Variants in TYW1 observed in about 807,000 individuals in gnomAD.
TYW1 encodes the protein tRNA-yW synthesizing protein 1 homolog.
Under a neutral mutation model 96.2 loss-of-function variants are expected in TYW1, and 46 were observed. The observed-to-expected ratio is 0.48, with a 90% CI of 0.38 to 0.61. The LOEUF (loss-of-function observed/expected upper bound fraction) is 0.61. TYW1 is among the 20% of genes least tolerant of loss of function. The pLI is 0.00. For missense variants in TYW1, 684 were observed against 909.6 expected (o/e 0.75, Z 3.19); for synonymous variants, 274 against 323.0 (o/e 0.85, Z 1.63).
chr7:67,174,336 A>G (rs1265474946), intron 13 of TYW1, among the ~76,000 whole-genome samples: 2 of 151,266 alleles, frequency 1.3e-5, no homozygotes, highest in Non-Finnish European at 2.9e-5. Flanking sequence ...GCAGAGATAA[A>G]GAGAGATTAC....
At chr7:67,094,009 CT>C (rs1374725796) in intron 11 of TYW1, among the ~76,000 whole-genome samples, 7 of 152,200 alleles carry the variant, frequency 4.6e-5, no homozygotes, top group Non-Finnish European at 8.8e-5. Context: ...GTCCCATCCT[CT>C]TTTGGAGTCT....
chr7:67,087,089 C>G (rs1256630415), intron 11 of TYW1, among the ~76,000 whole-genome samples: 3 of 152,176 alleles, frequency 2.0e-5, no homozygotes, highest in Non-Finnish European at 4.4e-5. Context: ...GTCCTTCCTA[C>G]AGAATGACGA....
intron 8 of TYW1, among the ~76,000 whole-genome samples, chr7:67,052,976 C>T (rs1216495199): frequency 7.9e-5 from 12 of 152,022 alleles, no homozygotes; most frequent in African/African-American, 2.7e-4. Context: ...CTCCTGACCT[C>T]CTGATCTGCC....
chr7:67,170,638 C>T (rs1049583161), intron 13 of TYW1, among the ~76,000 whole-genome samples: 1 of 152,104 alleles, frequency 6.6e-6, no homozygotes, highest in African/African-American at 2.4e-5. Context: ...ACATAGAATC[C>T]TGTACCCATT....
intron 13 of TYW1, among the ~76,000 whole-genome samples, chr7:67,172,213 T>C (rs1209989059): frequency 6.6e-6 from 1 of 151,800 alleles, no homozygotes; most frequent in Non-Finnish European, 1.5e-5. Flanking sequence ...GGTTTTTTAG[T>C]ATTTATTTTT....
intron 13 of TYW1, among the ~76,000 whole-genome samples, chr7:67,127,433 T>TA (rs1797942916): frequency 1.3e-5 from 2 of 152,158 alleles, no homozygotes; most frequent in Non-Finnish European, 1.5e-5. Flanking sequence ...GTGCTGGGAT[T>TA]ATAGGCTTGA....
rs1004637970 is a variant in TYW1, at chr7:67,095,041, T to C, written c.1385-3500T>C. Among the ~76,000 whole-genome samples, 35 of 151,818 alleles carry C rather than the reference T, an allele frequency of 2.3e-4. 1 individual carries two copies. The highest frequency in any genetic ancestry group is 3.4e-4 in the African/African-American group (14 of 41,390). Reference sequence around the variant, plus strand: ...CCAGACAGGGTCTTGTCCTGTTGCCTAGGCTAGAGTGCAGTGGCGCAGTCT... The same window carrying C: ...CCAGACAGGGTCTTGTCCTGTTGCCCAGGCTAGAGTGCAGTGGCGCAGTCT... On this transcript the variant is annotated intron_variant, in intron 11 of 15. Coordinates refer to ENST00000359626, the MANE Select transcript of TYW1 (RefSeq NM_018264.4).
intron 15 of TYW1, among the ~76,000 whole-genome samples, chr7:67,224,328 T>C (rs1356962777): frequency 6.6e-6 from 1 of 152,224 alleles, no homozygotes; most frequent in Non-Finnish European, 1.5e-5. Flanking sequence ...GGTTTCACCA[T>C]GTTGGTCAGG....
intron 15 of TYW1, among the ~76,000 whole-genome samples, chr7:67,204,586 T>C (rs1800717776): frequency 6.9e-6 from 1 of 145,906 alleles, no homozygotes; most frequent in Non-Finnish European, 1.5e-5. Flanking sequence ...TCCTTCTTTC[T>C]TCTTCTTCTT....
intron 6 of TYW1, among the ~76,000 whole-genome samples, chr7:67,021,445 G>A (rs1794269465): frequency 6.6e-6 from 1 of 152,266 alleles, no homozygotes; most frequent in South Asian, 2.1e-4. Flanking sequence ...CCTTCCAACA[G>A]CGTTCCCACA....
chr7:67,013,119 T>TC (rs1562964864), intron 4 of TYW1, among the ~76,000 whole-genome samples: 1 of 147,508 alleles, frequency 6.8e-6, no homozygotes, highest in Admixed American at 6.9e-5. Flanking sequence ...TCTTTTCTTT[T>TC]CTTTTTTTTT....
intron 15 of TYW1, among the ~76,000 whole-genome samples, chr7:67,230,837 A>C (rs1487655415): frequency 6.6e-6 from 1 of 151,212 alleles, no homozygotes; most frequent in Admixed American, 6.6e-5. Context: ...GCGGGGTTTC[A>C]CCTTGTTGGC....
At chr7:67,205,616 A>G (rs754246696) in intron 15 of TYW1, among the ~76,000 whole-genome samples, 3,218 of 147,976 alleles carry the variant, frequency 0.022, 62 homozygotes, top group Admixed American at 0.034. Flanking sequence ...AGTCAAGAAG[A>G]GTGCCTCATT....
In TYW1 at chr7:67,138,141, G is replaced by A. The variant is rs149285117; in HGVS notation, c.1698+20523G>A. ...AGAGGAGCGAGGGGTTCCATCCCCT[G>A]TGAAGCCTAGGCAGTGTCCTAGCAA... is the stretch of plus-strand genomic sequence containing the variant. On this transcript the variant is annotated intron_variant, in intron 13 of 15. Coordinates refer to ENST00000359626, the MANE Select transcript of TYW1 (RefSeq NM_018264.4). 2.8e-3 allele frequency among the ~76,000 whole-genome samples: 419 copies of A among 152,288 alleles called. 1 individual carries two copies. Among genetic ancestry groups the A allele is most frequent in the African/African-American group, 9.3e-3 (386 of 41,560 alleles).
chr7:67,113,264 G>A (rs575742640), intron 12 of TYW1, among the ~76,000 whole-genome samples: 3 of 151,424 alleles, frequency 2.0e-5, no homozygotes, highest in Admixed American at 2.0e-4. Context: ...GTTCCCTCCA[G>A]AATGTAAATA....
intron 4 of TYW1, among the ~76,000 whole-genome samples, chr7:67,010,678 T>C (rs902528804): frequency 1.3e-5 from 2 of 151,938 alleles, no homozygotes; most frequent in Non-Finnish European, 2.9e-5. Flanking sequence ...GGTTTCACCG[T>C]GTTCGCCAGG....
At chr7:67,015,088 G>C (rs1404152461) in intron 5 of TYW1, among the ~76,000 whole-genome samples, 1 of 149,896 alleles carries the variant, frequency 6.7e-6, no homozygotes. Context: ...TGCAACCTCC[G>C]CCTCCCGGGT....
intron 9 of TYW1, among the ~76,000 whole-genome samples, chr7:67,063,786 T>A (rs1441144294): frequency 1.1e-4 from 17 of 152,106 alleles, no homozygotes; most frequent in Non-Finnish European, 1.5e-4. Flanking sequence ...GTATTTTTAG[T>A]AGAGACGGGG....
chr7:67,208,982 C>T (rs1344612773), intron 15 of TYW1, among the ~76,000 whole-genome samples: 3 of 152,096 alleles, frequency 2.0e-5, no homozygotes, highest in Non-Finnish European at 4.4e-5. Context: ...AAATATCCTT[C>T]TGAGTTTTGT....
Sources: allele counts gnomAD v4.1 joint callset (sites outside exome capture counted in the v4.1 genomes callset), GRCh38; gene constraint gnomAD v4.1.1; transcripts MANE v1.5; gene names NCBI Gene and HGNC (gene_info 2026-07-23, HGNC 2026-07-21).